Variants in ESR2 observed in about 807,000 individuals in gnomAD.
ESR2 encodes the protein estrogen receptor 2, also known as estrogen receptor beta.
In ESR2, 36 loss-of-function variants were observed where a neutral mutation model predicts 49.6. The ratio of observed to expected loss-of-function variants is 0.73; its 90% CI spans 0.56 to 0.96. ESR2 has a LOEUF of 0.96. Among genes scored for constraint, ESR2 ranks in the 40% least tolerant of loss-of-function variants. The pLI is 0.00. For synonymous variants in ESR2, 320 were observed against 266.1 expected, an observed-to-expected ratio of 1.20 and a Z score of -1.97; for missense variants, 714 against 693.0, an observed-to-expected ratio of 1.03 and a Z score of -0.34.
intron 7 of ESR2, among the ~76,000 whole-genome samples, chr14:64,242,451 A>AT (rs1555571835): frequency 1.4e-3 from 175 of 126,698 alleles, no homozygotes; most frequent in Middle Eastern, 4.5e-3. Context: ...AAACAAAAAA[A>AT]ATATATATAT....
chr14:64,251,319 A>C (rs1205836892), intron 6 of ESR2, among the ~76,000 whole-genome samples: 13 of 151,832 alleles, frequency 8.6e-5, no homozygotes, highest in East Asian at 1.9e-4. Context: ...AAAAAAAAAA[A>C]AAACAAAAAA....
At chr14:64,228,128 A>G, downstream of ESR2, 1 of 1,149,272 alleles carries the variant, frequency 8.7e-7, no homozygotes, top group Non-Finnish European at 1.1e-6. Context: ...ATTAAAGCAG[A>G]GCTTCTTAAC....
At chr14:64,234,848 C>T in intron 8 of ESR2, 122 bp downstream of exon 8, 1 of 1,496,170 alleles carries the variant, frequency 6.7e-7, no homozygotes, top group Non-Finnish European at 8.9e-7. Flanking sequence ...GACAAATTCC[C>T]CATTCCCTTT....
At chr14:64,243,988 T>C (rs971352522) in intron 7 of ESR2, among the ~76,000 whole-genome samples, 2 of 152,210 alleles carry the variant, frequency 1.3e-5, no homozygotes, top group African/African-American at 4.8e-5. Context: ...GGTTACCCTT[T>C]GTGATGGTTA....
In ESR2 at chr14:64,280,146, G is replaced by A. The variant is rs2076635350; in HGVS notation, c.370C>T (p.Leu124=). 1 of 1,613,562 alleles carries A rather than the reference G, an allele frequency of 6.2e-7. No individual in the cohort carries two copies. Among genetic ancestry groups the A allele is most frequent in the Non-Finnish European group, 8.5e-7 (1 of 1,179,638 alleles). ...CGGTTCCCACTAACCTTCCTTTTCA[G>A]TGTCTCTCTAGGGAGCAAAGAAAAT... ...EHTLPVNRET[L]KRKVSGNRCA... Residue 124 remains leucine, a synonymous_variant, in exon 3 of 9, where the codon CTG becomes TTG. Coordinates refer to ENST00000341099, the MANE Select transcript of ESR2 (RefSeq NM_001437.3).
In ESR2 at chr14:64,260,654, G is replaced by T; in HGVS notation, c.747C>A (p.Gly249=). 7.5e-6 allele frequency: 12 copies of T among 1,600,522 alleles called. No individual in the cohort carries two copies. Among genetic ancestry groups the T allele is most frequent in the Non-Finnish European group, 9.4e-6 (11 of 1,173,254 alleles). ...LHCAGKAKRS[G]GHAPRVRELL... is the part of the protein sequence containing the mutation. Reference sequence around the variant, plus strand: ...GCTCCCGCACTCGGGGCGCGTGGCCGCCACTTCTCTTGGCCTTGCCGGCAC... The same window carrying T: ...GCTCCCGCACTCGGGGCGCGTGGCCTCCACTTCTCTTGGCCTTGCCGGCAC... Residue 249 remains glycine (G), a synonymous_variant, in exon 5 of 9, where the codon GGC becomes GGA. Coordinates refer to ENST00000341099, the MANE Select transcript of ESR2 (RefSeq NM_001437.3).
intron 3 of ESR2, among the ~76,000 whole-genome samples, chr14:64,270,110 T>A (rs1051179459): frequency 3.3e-5 from 5 of 152,192 alleles, no homozygotes; most frequent in African/African-American, 1.2e-4. Context: ...GGCCTCAACA[T>A]CTTACATTAA....
intron 1 of ESR2, among the ~76,000 whole-genome samples, chr14:64,323,029 T>C (rs1348627815): frequency 6.6e-6 from 1 of 152,246 alleles, no homozygotes; most frequent in Non-Finnish European, 1.5e-5. Flanking sequence ...AGAATATTTT[T>C]ATTAGAATGA....
In ESR2 at chr14:64,248,174, A is replaced by C. The variant is rs559176884; in HGVS notation, c.1225+1372T>G. On this transcript the variant is annotated intron_variant, in intron 7 of 8. Coordinates refer to ENST00000341099, the MANE Select transcript of ESR2 (RefSeq NM_001437.3). ...GTGCCACTGCATTCCAGCCTGGGCA[A>C]CAGAGTGACACCCTGTCTCAAAAAG... is the stretch of plus-strand genomic sequence containing the variant. 2.7e-5 allele frequency among the ~76,000 whole-genome samples: 4 copies of C among 150,440 alleles called. No individual in the cohort carries two copies. In the South Asian group the frequency reaches 8.5e-4, roughly 32 times the overall value.
At chr14:64,313,755 T>C (rs568852065) in intron 1 of ESR2, among the ~76,000 whole-genome samples, 22 of 150,986 alleles carry the variant, frequency 1.5e-4, no homozygotes, top group Non-Finnish European at 2.8e-4. Flanking sequence ...GGCGGGTGCC[T>C]GTAGTCCCAG....
Position 64,268,834 on chromosome 14 carries a change from G to A in ESR2, c.613C>T (p.Arg205Ter), listed in dbSNP as rs772568096. 5 of 1,613,624 alleles carry A rather than the reference G, an allele frequency of 3.1e-6. No homozygotes were observed. The highest frequency in any genetic ancestry group is 2.2e-5 in the South Asian group (2 of 91,066). Reference protein sequence around the residue: ...KNRRKSCQACRLRKCYEVGMV... With the variant: ...KNRRKSCQAC ...CCCACTTCGTAACACTTCCGAAGTC[G>A]GCAGGCCTGGCAGCTCTTGCGCCGG... The change falls in exon 4 of 9, where the codon CGA (arginine) becomes TGA (stop). Residue 205 changes from arginine (R) to a stop codon, truncating the protein, a stop_gained. Coordinates refer to ENST00000341099, the MANE Select transcript of ESR2 (RefSeq NM_001437.3). LOFTEE classifies it high-confidence loss of function.
At chr14:64,306,218 A>T (rs1346239945) in intron 1 of ESR2, among the ~76,000 whole-genome samples, 1 of 152,132 alleles carries the variant, frequency 6.6e-6, no homozygotes, top group African/African-American at 2.4e-5. Context: ...AAAAGAAAAA[A>T]AAAAAGAAAG....
chr14:64,282,700 A>G lies in ESR2; in HGVS notation c.286T>C (p.Ser96Pro). ...LSPLVVHRQL[S>P]HLYAEPQKSP... ...TTTTGAGGTTCCGCATACAGATGTG[A>G]TAACTGGCGATGGACCACTAAAGGA... The change falls in exon 2 of 9, where the codon TCA becomes CCA. Residue 96 changes from serine to proline, a missense_variant. Physicochemically the swap from Ser to Pro is moderately conservative, Grantham distance 74. Coordinates refer to ENST00000341099, the MANE Select transcript of ESR2 (RefSeq NM_001437.3). 3.1e-6 allele frequency: 5 copies of G among 1,614,180 alleles called. No homozygotes were observed. The highest frequency in any genetic ancestry group is 4.2e-6 in the Non-Finnish European group (5 of 1,179,986).
At chr14:64,304,426 T>C (rs1192453903) in intron 1 of ESR2, among the ~76,000 whole-genome samples, 2 of 152,326 alleles carry the variant, frequency 1.3e-5, no homozygotes, top group East Asian at 3.9e-4. Context: ...TGGTGCTGTT[T>C]GTTCTTAATT....
intron 1 of ESR2, among the ~76,000 whole-genome samples, chr14:64,309,497 G>C (rs1057081920): frequency 2.6e-5 from 4 of 151,690 alleles, no homozygotes; most frequent in Non-Finnish European, 5.9e-5. Context: ...TGTAATCCCA[G>C]CTACTCTGGA....
At chr14:64,316,416 A>G (rs1057263801) in intron 1 of ESR2, among the ~76,000 whole-genome samples, 2 of 152,226 alleles carry the variant, frequency 1.3e-5, no homozygotes, top group Non-Finnish European at 2.9e-5. Context: ...CTAATCCTAC[A>G]CAATATCTTC....
intron 1 of ESR2, chr14:64,301,339 G>A (rs2077018706): frequency 6.6e-6 from 1 of 152,234 alleles, no homozygotes; most frequent in African/African-American, 2.4e-5. Context: ...TCTTCTGAGA[G>A]AGTTACAGTA....
chr14:64,264,753 G>A (rs560569197), intron 4 of ESR2, among the ~76,000 whole-genome samples: 1 of 152,006 alleles, frequency 6.6e-6, no homozygotes, highest in South Asian at 2.1e-4. Flanking sequence ...CACACCTGTA[G>A]TCCCAGCTAC....
In ESR2 at chr14:64,229,482, C is replaced by T. The variant is rs61174206; in HGVS notation, c.*3655G>A. Among the ~76,000 whole-genome samples the T allele has an allele frequency of 6.6e-6, 1 of 152,082 alleles. No individual in the cohort carries two copies. The highest frequency in any genetic ancestry group is 1.5e-5 in the Non-Finnish European group (1 of 68,026). On this transcript the variant is annotated 3_prime_UTR_variant, in exon 9 of 9. Coordinates refer to ENST00000341099, the MANE Select transcript of ESR2 (RefSeq NM_001437.3). ...TGAGAGGTTTACAAACTTACTGTGT[C>T]TGTAGGGGTGTTCTGGACATTGTGG...
Sources: gnomAD v4.1 joint callset for allele counts (sites outside exome capture counted in the v4.1 genomes callset) on GRCh38, gnomAD v4.1.1 for gene constraint, MANE v1.5 for transcripts, NCBI Gene and HGNC (gene_info 2026-07-23, HGNC 2026-07-21) for gene names.